REDIC1: variants seen among roughly 807,000 people sequenced by gnomAD.
REDIC1 encodes the protein HEI10 Interacting Protein 1.
the REDIC1 span, among the ~76,000 whole-genome samples, chr12:39,751,163 T>C: frequency 3.3e-5 from 5 of 152,206 alleles, no homozygotes; most frequent in Non-Finnish European, 5.9e-5. Context: ...AATCTACTCA[T>C]CTGACAAAGG....
chr12:39,827,925 AT>A, the REDIC1 span, among the ~76,000 whole-genome samples: 1 of 152,118 alleles, frequency 6.6e-6, no homozygotes, highest in Non-Finnish European at 1.5e-5. Flanking sequence ...ATATATGGCT[AT>A]GGATTGCCTC....
chr12:39,855,135 T>C, the REDIC1 span, among the ~76,000 whole-genome samples: 2 of 152,360 alleles, frequency 1.3e-5, no homozygotes, highest in Admixed American at 1.3e-4. Context: ...ACATTCACTA[T>C]GGTGTTGAAA....
the REDIC1 span, among the ~76,000 whole-genome samples, chr12:39,831,735 T>G: frequency 6.6e-6 from 1 of 152,018 alleles, no homozygotes; most frequent in Non-Finnish European, 1.5e-5. Flanking sequence ...TCACATGAGA[T>G]CTGGTTGTTA....
the REDIC1 span, among the ~76,000 whole-genome samples, chr12:39,703,744 G>C: frequency 2.6e-5 from 4 of 152,048 alleles, no homozygotes; most frequent in Admixed American, 6.6e-5. Flanking sequence ...ATAGATTAGT[G>C]GAACAGAACA....
At chr12:39,837,185 A>C in the REDIC1 span, among the ~76,000 whole-genome samples, 1 of 148,174 alleles carries the variant, frequency 6.7e-6, no homozygotes, top group South Asian at 2.2e-4. Context: ...AAATAATGCC[A>C]CATACCTACA....
At chr12:39,682,239 CCTTCAAAACAT>C in the REDIC1 span, among the ~76,000 whole-genome samples, 1 of 151,994 alleles carries the variant, frequency 6.6e-6, no homozygotes. Flanking sequence ...CTCTGCACAG[CCTTCAAAACAT>C]CTTTCTCTGG....
chr12:39,786,500 G>A, the REDIC1 span, among the ~76,000 whole-genome samples: 5 of 151,810 alleles, frequency 3.3e-5, no homozygotes, highest in African/African-American at 1.2e-4. Context: ...AAGCTCTCTG[G>A]GGCTGGTCAT....
At chr12:39,694,159 G>T in the REDIC1 span, among the ~76,000 whole-genome samples, 2 of 151,984 alleles carry the variant, frequency 1.3e-5, no homozygotes, top group African/African-American at 4.8e-5. Flanking sequence ...GTATTTAAGG[G>T]ATCCTTATAT....
At chr12:39,772,448 C>A in the REDIC1 span, among the ~76,000 whole-genome samples, 5 of 151,974 alleles carry the variant, frequency 3.3e-5, no homozygotes, top group African/African-American at 1.2e-4. Flanking sequence ...CATCATAATA[C>A]CCTATGTAGA....
the REDIC1 span, among the ~76,000 whole-genome samples, chr12:39,628,333 AGGCAAG>A: frequency 1.3e-5 from 2 of 152,332 alleles, no homozygotes; most frequent in Non-Finnish European, 2.9e-5. Flanking sequence ...TTTTCAGAAC[AGGCAAG>A]GGTACACAAG....
the REDIC1 span, among the ~76,000 whole-genome samples, chr12:39,877,413 A>G: frequency 6.5e-3 from 990 of 152,302 alleles, 2 homozygotes; most frequent in Non-Finnish European, 0.011. Context: ...TCCATGATTC[A>G]ATTACCTCCC....
chr12:39,891,843 T>A, the REDIC1 span, among the ~76,000 whole-genome samples: 1 of 152,196 alleles, frequency 6.6e-6, no homozygotes, highest in East Asian at 1.9e-4. Context: ...AGAACATCTA[T>A]CTTTACTGTG....
chr12:39,829,927 T>C, the REDIC1 span: 1 of 817,276 alleles, frequency 1.2e-6, no homozygotes, highest in Non-Finnish European at 1.9e-6. Context: ...CTACTCTGTG[T>C]GAAACACACA....
At chr12:39,678,199 A>G in the REDIC1 span, among the ~76,000 whole-genome samples, 1 of 151,912 alleles carries the variant, frequency 6.6e-6, no homozygotes, top group Admixed American at 6.6e-5. Context: ...CATTAGCAAG[A>G]TTAACAAAGA....
At chr12:39,695,394 T>G in the REDIC1 span, among the ~76,000 whole-genome samples, 1 of 152,106 alleles carries the variant, frequency 6.6e-6, no homozygotes, top group East Asian at 1.9e-4. Context: ...ACTCGCAGCC[T>G]AGGCATCATT....
At chr12:39,861,910 A>G in the REDIC1 span, among the ~76,000 whole-genome samples, 3 of 152,142 alleles carry the variant, frequency 2.0e-5, no homozygotes. Flanking sequence ...CATGTGCAGG[A>G]CGTGCAGGTC....
the REDIC1 span, among the ~76,000 whole-genome samples, chr12:39,731,241 T>A: frequency 0.018 from 2,706 of 152,268 alleles, 78 homozygotes; most frequent in African/African-American, 0.061. Flanking sequence ...GGTGTTCTGG[T>A]TTTGGAATTT....
At chr12:39,886,081 G>A in the REDIC1 span, among the ~76,000 whole-genome samples, 84 of 152,208 alleles carry the variant, frequency 5.5e-4, no homozygotes, top group African/African-American at 1.9e-3. Flanking sequence ...AAATAAACAG[G>A]TCAAGGTTAA....
the REDIC1 span, among the ~76,000 whole-genome samples, chr12:39,765,107 T>C: frequency 1.3e-5 from 2 of 152,080 alleles, no homozygotes; most frequent in Non-Finnish European, 2.9e-5. Flanking sequence ...AAATTAGACA[T>C]GATTTCTAAT....
Sources: allele counts gnomAD v4.1 joint callset (sites outside exome capture counted in the v4.1 genomes callset), GRCh38; gene constraint gnomAD v4.1.1; transcripts MANE v1.5; gene names NCBI Gene and HGNC (gene_info 2026-07-23, HGNC 2026-07-21).